TBXAS1: variants seen among roughly 807,000 people sequenced by gnomAD.
TBXAS1 encodes the protein thromboxane A synthase 1.
A neutral mutation model predicts 60.7 loss-of-function variants in TBXAS1; 48 were observed. The ratio of observed to expected loss-of-function variants is 0.79; its 90% CI spans 0.63 to 1.01. The LOEUF (loss-of-function observed/expected upper bound fraction) is 1.01. Ranked by LOEUF, TBXAS1 falls within the 50% of genes least tolerant of loss-of-function variation. The pLI, the probability that TBXAS1 is intolerant of heterozygous loss-of-function variation, is 0.00. For missense variants in TBXAS1, 685 were observed against 686.3 expected, an observed-to-expected ratio of 1.00 and a Z score of 0.02; for synonymous variants, 287 against 269.7, an observed-to-expected ratio of 1.06 and a Z score of -0.63.
At chr7:139,880,407 T>C (rs1802609278) in intron 3 of TBXAS1, among the ~76,000 whole-genome samples, 1 of 152,206 alleles carries the variant, frequency 6.6e-6, no homozygotes, top group Non-Finnish European at 1.5e-5. Flanking sequence ...TAACCTCATA[T>C]ACTCCCATCA....
chr7:139,926,717 GTTGT>G (rs1488239153), intron 4 of TBXAS1, among the ~76,000 whole-genome samples: 1 of 151,358 alleles, frequency 6.6e-6, no homozygotes, highest in African/African-American at 2.4e-5. Context: ...GTATCATTAG[GTTGT>G]TTATTTGAAT....
chr7:139,878,251 A>G (rs1802414343), intron 3 of TBXAS1, among the ~76,000 whole-genome samples: 1 of 151,606 alleles, frequency 6.6e-6, no homozygotes, highest in Non-Finnish European at 1.5e-5. Context: ...AGAGAGAGAG[A>G]GGAGAGAGAG....
intron 1 of TBXAS1, among the ~76,000 whole-genome samples, chr7:139,856,219 T>C (rs1403787282): frequency 6.6e-6 from 1 of 152,204 alleles, no homozygotes. Flanking sequence ...GCTTCAACCC[T>C]TAATTGTTCT....
At chr7:139,884,432 G>C (rs1802924842) in intron 3 of TBXAS1, among the ~76,000 whole-genome samples, 1 of 152,238 alleles carries the variant, frequency 6.6e-6, no homozygotes, top group Non-Finnish European at 1.5e-5. Context: ...CCAGGTAGGT[G>C]TGGCCAGCTG....
At chr7:139,898,648 G>T (rs1159574646) in intron 3 of TBXAS1, among the ~76,000 whole-genome samples, 1 of 152,078 alleles carries the variant, frequency 6.6e-6, no homozygotes, top group Non-Finnish European at 1.5e-5. Flanking sequence ...GATGTGGGGG[G>T]TGTTGGGCTC....
At chr7:139,871,414 T>C (rs1801816000) in intron 1 of TBXAS1, among the ~76,000 whole-genome samples, 1 of 152,222 alleles carries the variant, frequency 6.6e-6, no homozygotes, top group African/African-American at 2.4e-5. Flanking sequence ...AATTGGCTGC[T>C]GGTTAGGGAT....
At chr7:139,946,794 C>T (rs1195931810) in intron 5 of TBXAS1, among the ~76,000 whole-genome samples, 1 of 152,160 alleles carries the variant, frequency 6.6e-6, no homozygotes, top group African/African-American at 2.4e-5. Flanking sequence ...TTCATTTTTG[C>T]AGATGAGGAA....
Position 139,813,074 on chromosome 7 carries a change from T to TAAATA in TBXAS1, c.-79-16187_-79-16183dup, listed in dbSNP as rs56001115. 2.7e-3 allele frequency among the ~76,000 whole-genome samples: 379 copies of TAAATA among 143,018 alleles called. 2 individuals are homozygous for TAAATA. Among genetic ancestry groups the TAAATA allele is most frequent in the Middle Eastern group, 0.01 (3 of 288 alleles). The allele number at this position is 143,018 out of a possible 152,430, so 93.8% of individuals were successfully genotyped here. On this transcript the variant is annotated intron_variant, in intron 4 of 16. Coordinates refer to the TBXAS1 transcript ENST00000336425. ...TCGGTCTCAAATAAATAAAATAAAA[T>TAAATA]AAATAAAATAAAATAAAATAAAATA...
intron 9 of TBXAS1, among the ~76,000 whole-genome samples, chr7:140,001,344 C>A (rs1040141636): frequency 2.0e-5 from 3 of 152,170 alleles, no homozygotes; most frequent in South Asian, 2.1e-4. Flanking sequence ...ACTCCAGGCC[C>A]AGCAGACCCA....
chr7:139,971,686 A>T (rs1811208117), intron 9 of TBXAS1, among the ~76,000 whole-genome samples: 1 of 151,952 alleles, frequency 6.6e-6, no homozygotes, highest in Admixed American at 6.6e-5. Flanking sequence ...AGGGAAACTG[A>T]CCCGCTCTGC....
At chr7:139,930,270 A>G (rs1381957862) in intron 4 of TBXAS1, among the ~76,000 whole-genome samples, 1 of 152,126 alleles carries the variant, frequency 6.6e-6, no homozygotes, top group Non-Finnish European at 1.5e-5. Flanking sequence ...CTTATTGTCC[A>G]CCTTCTCCCA....
intron 2 of TBXAS1, among the ~76,000 whole-genome samples, chr7:139,874,633 C>G (rs568119094): frequency 1.6e-4 from 24 of 152,264 alleles, no homozygotes; most frequent in African/African-American, 5.8e-4. Flanking sequence ...TCATTCCACC[C>G]CTTATGTATC....
chr7:140,018,929 C>G (rs929352885), intron 12 of TBXAS1, among the ~76,000 whole-genome samples: 2 of 152,324 alleles, frequency 1.3e-5, no homozygotes, highest in East Asian at 3.9e-4. Context: ...CCCAAGCTCT[C>G]CCTCCTTCCT....
At chr7:139,854,586 C>T (rs140280383) in intron 1 of TBXAS1, among the ~76,000 whole-genome samples, 40 of 152,192 alleles carry the variant, frequency 2.6e-4, no homozygotes, top group African/African-American at 6.3e-4. Flanking sequence ...AAGGGAGAGA[C>T]GACGACCTGA....
At chr7:139,968,857 T>C (rs530706367) in intron 9 of TBXAS1, among the ~76,000 whole-genome samples, 1 of 152,348 alleles carries the variant, frequency 6.6e-6, no homozygotes, top group African/African-American at 2.4e-5. Flanking sequence ...TTGTACCATT[T>C]GTACCACTCG....
intron 4 of TBXAS1, among the ~76,000 whole-genome samples, chr7:139,925,557 G>A (rs994019143): frequency 3.3e-5 from 5 of 152,058 alleles, no homozygotes; most frequent in African/African-American, 1.2e-4. Context: ...GAGTCTTTAG[G>A]TTTTTCTAAA....
intron 3 of TBXAS1, among the ~76,000 whole-genome samples, chr7:139,906,794 A>G (rs1280459606): frequency 1.3e-5 from 2 of 152,120 alleles, no homozygotes; most frequent in African/African-American, 4.8e-5. Context: ...TATTTCTTTC[A>G]TCAACATTGT....
chr7:139,911,103 C>T (rs1005436521), intron 3 of TBXAS1, 122 bp from the exon 4 acceptor site: 8 of 831,662 alleles, frequency 9.6e-6, no homozygotes, highest in South Asian at 9.6e-5. Flanking sequence ...GTTTCCTCAT[C>T]GTCTCCATAC....
chr7:139,913,161 A>G, intron 4 of TBXAS1: 1 of 702,588 alleles, frequency 1.4e-6, no homozygotes, highest in South Asian at 1.5e-5. Flanking sequence ...TCCCTTCAGG[A>G]TGGCCGAAGG....
Sources: allele counts gnomAD v4.1 joint callset (sites outside exome capture counted in the v4.1 genomes callset), GRCh38; gene constraint gnomAD v4.1.1; transcripts MANE v1.5; gene names NCBI Gene and HGNC (gene_info 2026-07-23, HGNC 2026-07-21).